Variants in CSMD1 observed in about 807,000 individuals in gnomAD.
The protein encoded by CSMD1 is CUB and Sushi multiple domains 1, also known as CUB and sushi domain-containing protein 1.
Under a neutral mutation model 417.5 loss-of-function variants are expected in CSMD1, and 213 were observed. The ratio of observed to expected loss-of-function variants is 0.51; its 90% CI spans 0.46 to 0.57. The LOEUF (loss-of-function observed/expected upper bound fraction) is 0.57, where lower values mean the gene tolerates loss of function less well. CSMD1 is among the 20% of genes least tolerant of loss of function. CSMD1 has a pLI of 0.00. For missense variants in CSMD1, 6,923 were observed against 4,529.7 expected (o/e 1.53, Z -15.17); for synonymous variants, 2,862 against 1,736.8 (o/e 1.65, Z -16.11).
chr8:4,328,939 A>G (rs895774880), intron 3 of CSMD1, among the ~76,000 whole-genome samples: 1 of 152,188 alleles, frequency 6.6e-6, no homozygotes, highest in Non-Finnish European at 1.5e-5. Flanking sequence ...TGTTTTTGCA[A>G]TGCATTTGCA....
At chr8:4,443,129 GT>G (rs1446853157) in intron 2 of CSMD1, among the ~76,000 whole-genome samples, 1 of 152,078 alleles carries the variant, frequency 6.6e-6, no homozygotes, top group Non-Finnish European at 1.5e-5. Flanking sequence ...GTGGTAGCTG[GT>G]ATAGCAACAG....
intron 50 of CSMD1, among the ~76,000 whole-genome samples, chr8:3,033,411 C>G (rs1157106961): frequency 6.6e-6 from 1 of 152,040 alleles, no homozygotes; most frequent in African/African-American, 2.4e-5. Context: ...GCTGTAGTAT[C>G]AATTGTATTG....
intron 25 of CSMD1, among the ~76,000 whole-genome samples, chr8:3,291,720 C>A (rs1000975992): frequency 2.6e-5 from 4 of 151,780 alleles, no homozygotes; most frequent in East Asian, 3.9e-4. Flanking sequence ...TCTCTCTTTT[C>A]TTCTTTATTT....
intron 1 of CSMD1, among the ~76,000 whole-genome samples, chr8:4,950,515 A>G (rs1055503705): frequency 1.1e-4 from 17 of 152,162 alleles, no homozygotes; most frequent in Non-Finnish European, 1.9e-4. Flanking sequence ...AACATACACT[A>G]CTTTATTCAT....
intron 12 of CSMD1, among the ~76,000 whole-genome samples, chr8:3,442,858 T>G (rs1010374346): frequency 2.0e-5 from 3 of 152,120 alleles, no homozygotes; most frequent in African/African-American, 7.2e-5. Context: ...CTGTACCTGG[T>G]TTTGGCCTCA....
chr8:3,641,077 T>C (rs971946076), intron 7 of CSMD1, among the ~76,000 whole-genome samples: 11 of 149,884 alleles, frequency 7.3e-5, no homozygotes, highest in African/African-American at 2.5e-4. Flanking sequence ...GTTGTAATGA[T>C]TCAGGACTCT....
At chr8:4,334,057 T>C (rs1008903255) in intron 3 of CSMD1, among the ~76,000 whole-genome samples, 4 of 151,756 alleles carry the variant, frequency 2.6e-5, no homozygotes, top group African/African-American at 7.3e-5. Context: ...CATCGTTTCA[T>C]TAATTATGAT....
intron 3 of CSMD1, among the ~76,000 whole-genome samples, chr8:4,041,003 T>A (rs1797857574): frequency 7.3e-6 from 1 of 137,610 alleles, no homozygotes; most frequent in Non-Finnish European, 1.5e-5. Flanking sequence ...TTCTTTTCTT[T>A]CTTTTTTTTT....
chr8:3,140,442 G>C (rs1818369729), intron 41 of CSMD1, among the ~76,000 whole-genome samples: 1 of 152,118 alleles, frequency 6.6e-6, no homozygotes, highest in Non-Finnish European at 1.5e-5. Flanking sequence ...TAAAGAAGGG[G>C]AACACAGAAA....
intron 7 of CSMD1, among the ~76,000 whole-genome samples, chr8:3,649,421 C>A (rs1047888273): frequency 6.6e-6 from 1 of 152,122 alleles, no homozygotes; most frequent in Non-Finnish European, 1.5e-5. Flanking sequence ...TAAATAACTG[C>A]CTGAGACTGG....
intron 23 of CSMD1, among the ~76,000 whole-genome samples, chr8:3,312,198 T>C (rs1046704185): frequency 7.9e-5 from 12 of 152,222 alleles, no homozygotes; most frequent in Non-Finnish European, 1.5e-4. Context: ...TTGCTTTTTC[T>C]ATCAATCATT....
At chr8:4,315,163 G>C (rs1188637783) in intron 3 of CSMD1, among the ~76,000 whole-genome samples, 1 of 152,172 alleles carries the variant, frequency 6.6e-6, no homozygotes, top group Non-Finnish European at 1.5e-5. Context: ...ACCTACCGGA[G>C]ACAGATGACA....
chr8:4,049,397 G>C (rs528581507), intron 3 of CSMD1, among the ~76,000 whole-genome samples: 1 of 151,318 alleles, frequency 6.6e-6, no homozygotes, highest in Non-Finnish European at 1.5e-5. Context: ...ATTGCCAAAC[G>C]TCATCTGCGG....
Position 4,040,201 on chromosome 8 carries a change from C to A in CSMD1, c.416-8102G>T, listed in dbSNP as rs147499515. On this transcript the variant is annotated intron_variant, in intron 3 of 69. Transcript: ENST00000635120. ...TAATGGAAGTGAAGGAGAAGGACAT[C>A]GTAGTTTTTCATTTAGCAATAGTAA... 1.5e-3 allele frequency among the ~76,000 whole-genome samples: 228 copies of A among 152,230 alleles called. 1 individual carries two copies. The highest frequency in any genetic ancestry group is 5.2e-3 in the African/African-American group (215 of 41,548).
At position 2,976,159 on chromosome 8, in the gene CSMD1, G is replaced by GA. The variant is rs532482434; in HGVS notation, c.8567-1536dup. ...CTCCACAGGAATTAATTGAATTGTT[G>GA]AAGTTAGAATTTGAGATGAGTTTCT... is the stretch of plus-strand genomic sequence containing the variant. On this transcript the variant is annotated intron_variant, in intron 55 of 69. Coordinates refer to ENST00000635120, the MANE Select transcript of CSMD1 (RefSeq NM_033225.6). Among the ~76,000 whole-genome samples, 21 of 151,744 alleles carry GA rather than the reference G, an allele frequency of 1.4e-4. No homozygotes were observed. In the South Asian group the frequency reaches 4.2e-3, roughly 30 times the overall value.
chr8:3,342,843 T>C (rs765765127), intron 23 of CSMD1, among the ~76,000 whole-genome samples: 2 of 143,118 alleles, frequency 1.4e-5, no homozygotes, highest in Non-Finnish European at 3.1e-5. Flanking sequence ...TATGTAGTTG[T>C]TGTGTGTGTG....
At chr8:3,092,038 T>A (rs1156567317) in intron 47 of CSMD1, among the ~76,000 whole-genome samples, 7 of 152,184 alleles carry the variant, frequency 4.6e-5, no homozygotes, top group African/African-American at 7.2e-5. Context: ...AGTAGTAGAA[T>A]CACTTTGGAG....
rs775613214 is a variant in CSMD1 at position 4,307,542 on chromosome 8, C to G, written c.415+112411G>C. On this transcript the variant is annotated intron_variant, in intron 3 of 69. Transcript: ENST00000635120. ...CATGCCTGGTCTGTTCAAGTAATAGCATATTTTAAAATGTTGCCTCTGCTT... is the reference window on the plus strand; with the variant it reads ...CATGCCTGGTCTGTTCAAGTAATAGGATATTTTAAAATGTTGCCTCTGCTT... 2.1e-4 allele frequency among the ~76,000 whole-genome samples: 32 copies of G among 152,156 alleles called. 1 individual carries two copies. Among genetic ancestry groups the G allele is most frequent in the Non-Finnish European group, 4.1e-4 (28 of 68,044 alleles).
chr8:4,586,749 C>T (rs1403166183), intron 2 of CSMD1, among the ~76,000 whole-genome samples: 1 of 152,196 alleles, frequency 6.6e-6, no homozygotes, highest in African/African-American at 2.4e-5. Flanking sequence ...CCATGAATAG[C>T]TGTGCGGTTC....
Sources: allele counts gnomAD v4.1 joint callset (sites outside exome capture counted in the v4.1 genomes callset), GRCh38; gene constraint gnomAD v4.1.1; transcripts MANE v1.5; gene names NCBI Gene and HGNC (gene_info 2026-07-23, HGNC 2026-07-21).